The following SGK1 variants were observed in gnomAD, a reference collection of about 807,000 sequenced individuals.
The protein encoded by SGK1 is serine/threonine-protein kinase Sgk1.
A neutral mutation model predicts 64.2 loss-of-function variants in SGK1; 26 were observed. That is an observed-to-expected ratio of 0.40 (90% CI 0.30 to 0.56). SGK1 has a LOEUF of 0.56. Ranked by LOEUF, SGK1 falls within the 20% of genes least tolerant of loss-of-function variation. SGK1 has a pLI of 0.38. For synonymous variants in SGK1, 265 were observed against 239.7 expected, an observed-to-expected ratio of 1.11 and a Z score of -0.98; for missense variants, 519 against 645.6, an observed-to-expected ratio of 0.80 and a Z score of 2.12.
chr6:134,255,451 G>A (rs1005990484), intron 2 of SGK1, among the ~76,000 whole-genome samples: 19 of 152,022 alleles, frequency 1.2e-4, no homozygotes, highest in African/African-American at 4.6e-4. Flanking sequence ...GGGAGGCTGA[G>A]GTGGGTGGAT....
chr6:134,173,685 T>C (rs1775112489), intron 5 of SGK1, 119 bp from the exon 6 acceptor site: 2 of 688,954 alleles, frequency 2.9e-6, no homozygotes, highest in East Asian at 2.7e-5. Flanking sequence ...ACCATACATC[T>C]ATAAACATTC....
chr6:134,277,033 ACT>A (rs1304589787), intron 1 of SGK1, among the ~76,000 whole-genome samples: 3 of 149,554 alleles, frequency 2.0e-5, no homozygotes, highest in Non-Finnish European at 3.0e-5. Context: ...CTGGCAAGAG[ACT>A]CTTGTCTCAA....
chr6:134,213,292 C>T (rs1399317836), intron 2 of SGK1, among the ~76,000 whole-genome samples: 1 of 151,978 alleles, frequency 6.6e-6, no homozygotes, highest in African/African-American at 2.4e-5. Flanking sequence ...GAGGTTGAGG[C>T]AGGCAGATCT....
rs1582681073 is a variant in SGK1 at position 134,171,747 on chromosome 6, A to G, written c.1072-15T>C. The G allele has an allele frequency of 6.3e-7, 1 of 1,576,166 alleles. No individual in the cohort carries two copies. On this transcript the variant is annotated splice_polypyrimidine_tract_variant and intron_variant, in intron 10 of 13. Coordinates refer to ENST00000367858, the MANE Select transcript of SGK1 (RefSeq NM_001143676.3). ...GGTGCGAGATACTGAAAAACAGACCAGGGAAACAGCGTTTAGAACCTGCGA... is the reference window on the plus strand; with the variant it reads ...GGTGCGAGATACTGAAAAACAGACCGGGGAAACAGCGTTTAGAACCTGCGA...
intron 2 of SGK1, among the ~76,000 whole-genome samples, chr6:134,213,078 C>A (rs1263076238): frequency 6.6e-6 from 1 of 152,078 alleles, no homozygotes; most frequent in Non-Finnish European, 1.5e-5. Context: ...CCAAAGCATC[C>A]GCGGCAAATT....
chr6:134,177,240 CA>C (rs1562241393), intron 3 of SGK1, among the ~76,000 whole-genome samples: 2 of 53,376 alleles, frequency 3.7e-5, no homozygotes, highest in African/African-American at 1.9e-4. Flanking sequence ...AAAAACAAAA[CA>C]AAAACAAAAA....
chr6:134,241,810 C>T (rs556390640), intron 2 of SGK1, among the ~76,000 whole-genome samples: 5 of 151,450 alleles, frequency 3.3e-5, no homozygotes, highest in African/African-American at 4.9e-5. Flanking sequence ...TTAGTAGAGA[C>T]GGCGTTTCAC....
intron 2 of SGK1, among the ~76,000 whole-genome samples, chr6:134,209,735 G>T (rs1775854336): frequency 6.6e-6 from 1 of 152,118 alleles, no homozygotes; most frequent in Non-Finnish European, 1.5e-5. Flanking sequence ...AGAGTGCAAT[G>T]GTGTCATCTC....
At chr6:134,261,595 T>C (rs1233668361) in intron 2 of SGK1, 4 of 548,648 alleles carry the variant, frequency 7.3e-6, no homozygotes, top group Non-Finnish European at 1.3e-5. Flanking sequence ...TCCAAACCCA[T>C]AGAATGTATA....
intron 2 of SGK1, among the ~76,000 whole-genome samples, chr6:134,228,046 C>T (rs1776215675): frequency 6.7e-6 from 1 of 149,342 alleles, no homozygotes; most frequent in African/African-American, 2.5e-5. Context: ...CCTCCACCTC[C>T]CGGGCTCAAG....
intron 1 of SGK1, among the ~76,000 whole-genome samples, chr6:134,296,776 CAAAAAAAAA>C (rs869144600): frequency 3.0e-5 from 2 of 66,738 alleles, no homozygotes; most frequent in Non-Finnish European, 5.9e-5. Context: ...TATTTTGGAC[CAAAAAAAAA>C]AAAAAAAAAA....
At chr6:134,315,342 C>T (rs935941902) in intron 1 of SGK1, among the ~76,000 whole-genome samples, 6 of 152,156 alleles carry the variant, frequency 3.9e-5, no homozygotes, top group African/African-American at 1.4e-4. Flanking sequence ...TCTCCAGCAA[C>T]TGATAGACCC....
At chr6:134,232,422 A>AGAAAGAAAG (rs1409154042) in intron 2 of SGK1, among the ~76,000 whole-genome samples, 4 of 30,330 alleles carry the variant, frequency 1.3e-4, no homozygotes, top group African/African-American at 4.7e-4. Flanking sequence ...AGAGAAAGAA[A>AGAAAGAAAG]GAAAGAAAGA....
intron 3 of SGK1, among the ~76,000 whole-genome samples, chr6:134,191,154 C>T (rs1483955737): frequency 6.6e-6 from 1 of 152,282 alleles, no homozygotes; most frequent in Middle Eastern, 3.4e-3. Flanking sequence ...AGTTCATAGT[C>T]AGCATATTCA....
At chr6:134,183,979 C>A (rs1352039033) in intron 3 of SGK1, among the ~76,000 whole-genome samples, 2 of 151,864 alleles carry the variant, frequency 1.3e-5, no homozygotes, top group Non-Finnish European at 2.9e-5. Context: ...TTGTGTCTCT[C>A]ACCTGCCTAA....
At chr6:134,175,328 T>TC (rs1775196882) in intron 3 of SGK1, among the ~76,000 whole-genome samples, 1 of 151,882 alleles carries the variant, frequency 6.6e-6, no homozygotes, top group Admixed American at 6.5e-5. Context: ...GCGGCCGGAC[T>TC]CCCACCCTCC....
chr6:134,262,288 A>C (rs1776779119), intron 1 of SGK1, 140 bp from the exon 2 acceptor site: 1 of 607,072 alleles, frequency 1.6e-6, no homozygotes, highest in African/African-American at 1.8e-5. Flanking sequence ...TTTCAAACTC[A>C]ACACAATTCG....
intron 1 of SGK1, among the ~76,000 whole-genome samples, chr6:134,311,008 T>G (rs555179890): frequency 6.6e-6 from 1 of 152,342 alleles, no homozygotes; most frequent in South Asian, 2.1e-4. Context: ...AGAAGGTGTG[T>G]TATGGGCATT....
rs376162218 is a variant in SGK1, at chr6:134,184,378, G to A, written c.362-9792C>T. 1.1e-4 allele frequency among the ~76,000 whole-genome samples: 16 copies of A among 151,754 alleles called. No individual in the cohort carries two copies. The East Asian group carries it at 1.6e-3, about 15-fold the overall frequency. On this transcript the variant is annotated intron_variant, in intron 3 of 13. Coordinates refer to ENST00000367858, the MANE Select transcript of SGK1 (RefSeq NM_001143676.3). ...AAATTAGCTGGGCGTGGTGGTGCGC[G>A]CCTGTAGTCCCAGCTACTTGGGAGG...
Sources: gnomAD v4.1 joint callset for allele counts (sites outside exome capture counted in the v4.1 genomes callset) on GRCh38, gnomAD v4.1.1 for gene constraint, MANE v1.5 for transcripts, NCBI Gene and HGNC (gene_info 2026-07-23, HGNC 2026-07-21) for gene names.